ATXN7L1: variants seen among roughly 807,000 people sequenced by gnomAD.
ATXN7L1 encodes the protein ataxin-7-like protein 1.
ATXN7L1 carries 15 observed loss-of-function variants against 70.8 expected under a neutral mutation model. That is an observed-to-expected ratio of 0.21 (90% CI 0.14 to 0.33). The LOEUF (loss-of-function observed/expected upper bound fraction) is 0.33, where lower values mean the gene tolerates loss of function less well. ATXN7L1 is among the 10% of genes least tolerant of loss of function. The pLI, the probability that ATXN7L1 is intolerant of heterozygous loss-of-function variation, is 1.00. For synonymous variants in ATXN7L1, 440 were observed against 445.1 expected, an observed-to-expected ratio of 0.99 and a Z score of 0.14; for missense variants, 975 against 1,097.1, an observed-to-expected ratio of 0.89 and a Z score of 1.57.
intron 9 of ATXN7L1, chr7:105,617,973 G>A (rs1475252704): frequency 8.8e-6 from 4 of 456,770 alleles, no homozygotes; most frequent in South Asian, 3.1e-5. Flanking sequence ...AGAGGGTAGC[G>A]GGGTGCTACG....
At chr7:105,734,239 A>C (rs978242248) in intron 3 of ATXN7L1, among the ~76,000 whole-genome samples, 1 of 152,236 alleles carries the variant, frequency 6.6e-6, no homozygotes, top group Non-Finnish European at 1.5e-5. Flanking sequence ...AAATAAAATA[A>C]GCTTTCCACA....
At chr7:105,863,354 G>A (rs1816920035) in intron 2 of ATXN7L1, among the ~76,000 whole-genome samples, 1 of 152,346 alleles carries the variant, frequency 6.6e-6, no homozygotes, top group East Asian at 1.9e-4. Flanking sequence ...CCTATCAGGA[G>A]GCCACTGGCT....
chr7:105,870,984 A>T (rs1818173659), intron 2 of ATXN7L1, among the ~76,000 whole-genome samples: 1 of 152,022 alleles, frequency 6.6e-6, no homozygotes, highest in Non-Finnish European at 1.5e-5. Flanking sequence ...TTGCTTGTGT[A>T]TGAGATGCAG....
intron 3 of ATXN7L1, among the ~76,000 whole-genome samples, chr7:105,671,304 T>TAAAAAAA (rs1437384783): frequency 6.6e-6 from 1 of 151,476 alleles, no homozygotes; most frequent in East Asian, 1.9e-4. Context: ...AAAATTTATT[T>TAAAAAAA]AAAAAGTGAT....
At chr7:105,776,796 A>G (rs186474374) in intron 3 of ATXN7L1, among the ~76,000 whole-genome samples, 22 of 151,952 alleles carry the variant, frequency 1.4e-4, no homozygotes, top group Admixed American at 2.6e-4. Context: ...TTGAGACATA[A>G]TCCTGCTCTG....
intron 3 of ATXN7L1, among the ~76,000 whole-genome samples, chr7:105,685,074 AATAATAATAAT>A (rs1232415768): frequency 1.6e-4 from 21 of 130,722 alleles, no homozygotes; most frequent in African/African-American, 5.5e-4. Flanking sequence ...TAATAATAAT[AATAATAATAAT>A]AAATGGTTTT....
chr7:105,868,696 A>G (rs1817829051), intron 2 of ATXN7L1, among the ~76,000 whole-genome samples: 1 of 152,232 alleles, frequency 6.6e-6, no homozygotes, highest in Non-Finnish European at 1.5e-5. Context: ...AGGGAGACTT[A>G]CTTTCCACTT....
At chr7:105,737,890 G>A (rs962995444) in intron 3 of ATXN7L1, among the ~76,000 whole-genome samples, 2 of 152,106 alleles carry the variant, frequency 1.3e-5, no homozygotes, top group African/African-American at 4.8e-5. Context: ...CAGAGACTTG[G>A]GGCCATGAGT....
At chr7:105,617,772 A>G (rs913307000) in intron 9 of ATXN7L1, 2 of 360,596 alleles carry the variant, frequency 5.5e-6, no homozygotes, top group African/African-American at 4.3e-5. Context: ...GCCAGGTGGC[A>G]TGGAGGTCCA....
At chr7:105,763,529 C>G (rs1160816517) in intron 3 of ATXN7L1, among the ~76,000 whole-genome samples, 1 of 152,260 alleles carries the variant, frequency 6.6e-6, no homozygotes, top group Non-Finnish European at 1.5e-5. Context: ...GCCAGGCCCA[C>G]AGCCAGCATG....
intron 3 of ATXN7L1, among the ~76,000 whole-genome samples, chr7:105,704,647 G>A (rs952432519): frequency 3.6e-5 from 5 of 139,302 alleles, no homozygotes; most frequent in African/African-American, 1.3e-4. Flanking sequence ...AGGCTGGAGT[G>A]CAGTGGTACG....
intron 2 of ATXN7L1, among the ~76,000 whole-genome samples, chr7:105,848,053 C>G (rs973358511): frequency 6.6e-6 from 1 of 151,896 alleles, no homozygotes; most frequent in Non-Finnish European, 1.5e-5. Context: ...TCTTAGAAAA[C>G]AATGGGAAAA....
In ATXN7L1 at chr7:105,674,853, C is replaced by T. The variant is rs1804374011; in HGVS notation, c.356-9565G>A. ...GATCTGGGGAGTCCCAGGGGCTTTC[C>T]AGGGCCCTGAAATACTTCCATCAGC... is the stretch of plus-strand genomic sequence containing the variant. On this transcript the variant is annotated intron_variant, in intron 3 of 11. Coordinates refer to ENST00000419735, the MANE Select transcript of ATXN7L1 (RefSeq NM_020725.2). Among the ~76,000 whole-genome samples the T allele has an allele frequency of 3.3e-5, 5 of 152,180 alleles. No individual in the cohort carries two copies. In the South Asian group the frequency reaches 1.0e-3, roughly 31 times the overall value.
At chr7:105,721,919 T>C (rs575815739) in intron 3 of ATXN7L1, among the ~76,000 whole-genome samples, 1 of 152,350 alleles carries the variant, frequency 6.6e-6, no homozygotes, top group South Asian at 2.1e-4. Flanking sequence ...CAATGGGGTC[T>C]TCCTCCTAAA....
chr7:105,716,119 T>C (rs1794514444), intron 3 of ATXN7L1, among the ~76,000 whole-genome samples: 2 of 152,174 alleles, frequency 1.3e-5, no homozygotes, highest in South Asian at 4.1e-4. Flanking sequence ...CCTAAGCCAT[T>C]ATTAGTCTGT....
chr7:105,650,827 G>T (rs1381369480), intron 4 of ATXN7L1, among the ~76,000 whole-genome samples: 1 of 152,194 alleles, frequency 6.6e-6, no homozygotes, highest in Non-Finnish European at 1.5e-5. Flanking sequence ...TGGAAGAATT[G>T]TAAAAATGGC....
chr7:105,873,085 C>T (rs1351495885), intron 2 of ATXN7L1, among the ~76,000 whole-genome samples: 2 of 152,100 alleles, frequency 1.3e-5, no homozygotes, highest in Admixed American at 6.5e-5. Context: ...ACCCGGGAGG[C>T]GGAGCTTGCA....
At chr7:105,713,667 C>T (rs765052883) in intron 3 of ATXN7L1, among the ~76,000 whole-genome samples, 22 of 152,242 alleles carry the variant, frequency 1.4e-4, no homozygotes, top group Admixed American at 3.3e-4. Context: ...GTTAGGACTC[C>T]GCAGGTTGGC....
At chr7:105,667,881 C>T (rs149987655) in intron 3 of ATXN7L1, among the ~76,000 whole-genome samples, 63 of 152,200 alleles carry the variant, frequency 4.1e-4, no homozygotes, top group African/African-American at 1.3e-3. Context: ...ATTTCTTTTT[C>T]GGCAGAGGCT....
Sources: allele counts gnomAD v4.1 joint callset (sites outside exome capture counted in the v4.1 genomes callset), GRCh38; gene constraint gnomAD v4.1.1; transcripts MANE v1.5; gene names NCBI Gene and HGNC (gene_info 2026-07-23, HGNC 2026-07-21).